The following CRIM1 variants were observed in gnomAD, a reference collection of about 807,000 sequenced individuals.
The protein encoded by CRIM1 is cysteine-rich motor neuron 1 protein.
Under a neutral mutation model 116.4 loss-of-function variants are expected in CRIM1, and 32 were observed. That is an observed-to-expected ratio of 0.27 (90% CI 0.21 to 0.37). The LOEUF (loss-of-function observed/expected upper bound fraction) is 0.37, where lower values mean the gene tolerates loss of function less well. Among genes scored for constraint, CRIM1 ranks in the 10% least tolerant of loss-of-function variants. The pLI is 1.00. For synonymous variants in CRIM1, 590 were observed against 509.2 expected (o/e 1.16, Z -2.13); for missense variants, 1,331 against 1,354.8 (o/e 0.98, Z 0.28).
intron 4 of CRIM1, among the ~76,000 whole-genome samples, chr2:36,454,931 G>T (rs1033458056): frequency 6.6e-6 from 1 of 152,192 alleles, no homozygotes; most frequent in Admixed American, 6.5e-5. Context: ...AAAGAGGCAG[G>T]AAAGGTAAAG....
intron 13 of CRIM1, among the ~76,000 whole-genome samples, chr2:36,522,716 C>G (rs536666415): frequency 6.7e-6 from 1 of 149,452 alleles, no homozygotes; most frequent in Admixed American, 6.7e-5. Context: ...GCAGGAGAAT[C>G]ACTTGAACAC....
chr2:36,460,186 G>A (rs1456599984), intron 4 of CRIM1, among the ~76,000 whole-genome samples: 1 of 152,074 alleles, frequency 6.6e-6, no homozygotes, highest in East Asian at 1.9e-4. Flanking sequence ...GTGGTACCTC[G>A]ATTGATCATT....
intron 4 of CRIM1, among the ~76,000 whole-genome samples, chr2:36,449,871 AAAAAAACAAAAC>A (rs1676559984): frequency 1.4e-5 from 1 of 73,898 alleles, no homozygotes; most frequent in Non-Finnish European, 2.4e-5. Flanking sequence ...AAACTTTCTT[AAAAAAACAAAAC>A]AAAAAAAAAC....
chr2:36,426,036 A>T (rs537759021), intron 2 of CRIM1, among the ~76,000 whole-genome samples: 15 of 152,288 alleles, frequency 9.8e-5, no homozygotes, highest in African/African-American at 3.6e-4. Context: ...ACTAGTCAAA[A>T]CTGTTTTCTT....
At chr2:36,371,536 T>TA (rs1419285722) in intron 1 of CRIM1, among the ~76,000 whole-genome samples, 2 of 152,208 alleles carry the variant, frequency 1.3e-5, no homozygotes, top group African/African-American at 4.8e-5. Context: ...CACTCCCCGT[T>TA]AAGAGAATCC....
intron 2 of CRIM1, among the ~76,000 whole-genome samples, chr2:36,433,519 A>G (rs1039256442): frequency 9.2e-5 from 14 of 152,170 alleles, no homozygotes; most frequent in Admixed American, 2.6e-4. Flanking sequence ...AGGGAGCTTC[A>G]TTGTAAAGAT....
chr2:36,443,863 A>G (rs1676048546), intron 4 of CRIM1, among the ~76,000 whole-genome samples: 2 of 152,216 alleles, frequency 1.3e-5, no homozygotes, highest in South Asian at 4.1e-4. Flanking sequence ...AGTATTCTCT[A>G]AGACATATCC....
At chr2:36,410,489 A>G (rs917984432) in intron 2 of CRIM1, among the ~76,000 whole-genome samples, 1 of 152,050 alleles carries the variant, frequency 6.6e-6, no homozygotes, top group African/African-American at 2.4e-5. Flanking sequence ...CTACTATTGT[A>G]TCTTGTCCTT....
chr2:36,400,158 G>A (rs1265974595), intron 2 of CRIM1, among the ~76,000 whole-genome samples: 1 of 152,222 alleles, frequency 6.6e-6, no homozygotes, highest in Non-Finnish European at 1.5e-5. Context: ...TCTACACTGA[G>A]AAGGAGACAA....
At chr2:36,443,007 A>G (rs1022215753) in intron 4 of CRIM1, among the ~76,000 whole-genome samples, 1 of 152,168 alleles carries the variant, frequency 6.6e-6, no homozygotes, top group African/African-American at 2.4e-5. Context: ...ATAAGCAAAT[A>G]TGCCCCTCTG....
At chr2:36,441,529 T>C (rs1189475539) in intron 3 of CRIM1, 29 bp downstream of exon 3, 1 of 1,600,446 alleles carries the variant, frequency 6.2e-7, no homozygotes. Context: ...TCAGCAGCCT[T>C]GTTCCTTTGC....
chr2:36,410,767 A>T (rs967627119), intron 2 of CRIM1, among the ~76,000 whole-genome samples: 1 of 151,966 alleles, frequency 6.6e-6, no homozygotes, highest in African/African-American at 2.4e-5. Context: ...TCTGCCTCAC[A>T]GACCTTTTAT....
chr2:36,428,918 C>T (rs1267178126), intron 2 of CRIM1, among the ~76,000 whole-genome samples: 1 of 152,098 alleles, frequency 6.6e-6, no homozygotes, highest in Non-Finnish European at 1.5e-5. Context: ...ATAAAGACAC[C>T]GTTGAGGGAG....
intron 8 of CRIM1, among the ~76,000 whole-genome samples, chr2:36,503,778 A>G (rs895516616): frequency 2.6e-5 from 4 of 151,854 alleles, no homozygotes; most frequent in South Asian, 2.1e-4. Context: ...CCCTTACATT[A>G]TTTTTCTGCA....
chr2:36,356,277 G>A lies in CRIM1; in HGVS notation c.-16G>A, dbSNP rs1270635593. 3 of 1,378,608 alleles carry A rather than the reference G, an allele frequency of 2.2e-6. No individual in the cohort carries two copies. The African/African-American group carries it at 4.5e-5, about 21-fold the overall frequency. 85.4% of individuals were successfully genotyped at this position (1,378,608 alleles called of 1,614,324 possible). On this transcript the variant is annotated 5_prime_UTR_variant, in exon 1 of 17. Coordinates refer to ENST00000280527, the MANE Select transcript of CRIM1 (RefSeq NM_016441.3). The surrounding 1 kb of genome is among the most constrained non-coding windows in gnomAD (Gnocchi z 4.3). ...CCGGCCCGGCTGCGAGGAGGAGGCGGCGGCGGCGCAGGAGGATGTACTTGG... is the reference window on the plus strand; with the variant it reads ...CCGGCCCGGCTGCGAGGAGGAGGCGACGGCGGCGCAGGAGGATGTACTTGG...
chr2:36,506,940 G>A (rs1440635230), intron 8 of CRIM1, among the ~76,000 whole-genome samples: 1 of 151,910 alleles, frequency 6.6e-6, no homozygotes, highest in African/African-American at 2.4e-5. Context: ...TCTCACTGCA[G>A]CCTCGACCTC....
chr2:36,521,154 A>G (rs1454663739), intron 12 of CRIM1, among the ~76,000 whole-genome samples: 2 of 152,260 alleles, frequency 1.3e-5, no homozygotes, highest in East Asian at 3.9e-4. Flanking sequence ...ATTTTAGTGG[A>G]AACCGATGCC....
chr2:36,430,040 A>G (rs1384773154), intron 2 of CRIM1, among the ~76,000 whole-genome samples: 1 of 152,212 alleles, frequency 6.6e-6, no homozygotes, highest in Admixed American at 6.5e-5. Flanking sequence ...TTTGGGACCA[A>G]GGGTGTATCT....
chr2:36,379,743 T>TG (rs67148255), intron 1 of CRIM1, among the ~76,000 whole-genome samples: 1 of 64,666 alleles, frequency 1.5e-5, no homozygotes, highest in Non-Finnish European at 2.4e-5. Flanking sequence ...TCTTTCTCTC[T>TG]TTTTTTTTTT....
Sources: allele counts gnomAD v4.1 joint callset (sites outside exome capture counted in the v4.1 genomes callset), GRCh38; gene constraint gnomAD v4.1.1; non-coding constraint Gnocchi (gnomAD v3.1); transcripts MANE v1.5; gene names NCBI Gene and HGNC (gene_info 2026-07-23, HGNC 2026-07-21).